LONRF2: variants seen among roughly 807,000 people sequenced by gnomAD.
The protein encoded by LONRF2 is LON peptidase N-terminal domain and ring finger 2.
A neutral mutation model predicts 66.6 loss-of-function variants in LONRF2; 35 were observed. The observed-to-expected ratio is 0.53, with a 90% confidence interval of 0.40 to 0.70. The LOEUF is 0.70. Ranked by LOEUF, LONRF2 falls within the 30% of genes least tolerant of loss-of-function variation. LONRF2 has a pLI of 0.00. For synonymous variants in LONRF2, 417 were observed against 418.1 expected (o/e 1.00, Z 0.03); for missense variants, 902 against 1,002.1 (o/e 0.90, Z 1.35).
At chr2:100,319,798 T>C (rs1406351349) in intron 1 of LONRF2, among the ~76,000 whole-genome samples, 1 of 152,222 alleles carries the variant, frequency 6.6e-6, no homozygotes, top group Non-Finnish European at 1.5e-5. Context: ...AACAATGACA[T>C]ACACTCTTGT....
chr2:100,299,272 CCT>C lies in LONRF2; in HGVS notation c.1313_1314del (p.Gln438ArgfsTer5). The C allele has an allele frequency of 1.3e-6, 2 of 1,594,066 alleles. No homozygotes were observed. Among genetic ancestry groups the C allele is most frequent in the Non-Finnish European group, 1.7e-6 (2 of 1,168,554 alleles). On this transcript the variant is annotated frameshift_variant, in exon 6 of 12. Coordinates refer to ENST00000393437, the MANE Select transcript of LONRF2 (RefSeq NM_198461.4). LOFTEE classifies it high-confidence loss of function. Reference sequence around the variant, plus strand: ...AAGTCAGTTACATCAAGCGAGAGCCCCTGACTTTCTTCTGTCTCAGAGTTTGG... The same window carrying C: ...AAGTCAGTTACATCAAGCGAGAGCCCGACTTTCTTCTGTCTCAGAGTTTGG... ...RSPNSETEES[Q>X]GLSLDVTDFE...
chr2:100,321,798 G>C lies in LONRF2; in HGVS notation c.296C>G (p.Ala99Gly). Residue 99 changes from alanine (A) to glycine (G), a missense_variant, in exon 1 of 12, where the codon GCG becomes GGG. This residue lies in a region of LONRF2 where 585 missense variants were observed against 569.9 expected (regional missense o/e 1.03). Transcript: ENST00000393437. ...ALRPEELEEL[A>G]GGLVRAVGLR... ...GCCCACGGCGCGCACCAGGCCGCCC[G>C]CCAGCTCTTCCAGCTCCTCCGGCCG... 9.3e-7 allele frequency: 1 copy of C among 1,072,122 alleles called. No homozygotes were observed. Among genetic ancestry groups the C allele is most frequent in the South Asian group, 3.8e-5 (1 of 26,506 alleles). 66.4% of individuals were successfully genotyped at this position (1,072,122 alleles called of 1,614,324 possible). A position where few individuals can be genotyped will look rare whatever the true frequency, so the allele number is the denominator to read the frequency against.
At chr2:100,316,302 G>C (rs1379568145) in intron 1 of LONRF2, among the ~76,000 whole-genome samples, 4 of 107,106 alleles carry the variant, frequency 3.7e-5, no homozygotes, top group Non-Finnish European at 6.5e-5. Flanking sequence ...CTGGGCAACA[G>C]AGCGAGACTC....
chr2:100,318,426 C>T (rs1339706396), intron 1 of LONRF2, among the ~76,000 whole-genome samples: 5 of 152,132 alleles, frequency 3.3e-5, no homozygotes, highest in African/African-American at 1.2e-4. Flanking sequence ...CACATGGCTC[C>T]ACCTAATCAC....
chr2:100,306,353 G>A (rs1007301505), intron 2 of LONRF2, among the ~76,000 whole-genome samples: 3 of 152,070 alleles, frequency 2.0e-5, no homozygotes, highest in South Asian at 2.1e-4. Flanking sequence ...TGTCTTATAC[G>A]CACAAAGAAC....
chr2:100,280,593 G>A lies in LONRF2; in HGVS notation c.*3705C>T, dbSNP rs1323113405. Reference sequence around the variant, plus strand: ...GTTCGAGACCAGCCTGACCAACATGGTGAAACCCCATCTCTACTAAAAAAA... The same window carrying A: ...GTTCGAGACCAGCCTGACCAACATGATGAAACCCCATCTCTACTAAAAAAA... On this transcript the variant is annotated 3_prime_UTR_variant, in exon 12 of 12. Transcript: ENST00000393437. The A allele has an allele frequency of 6.6e-6, 1 of 151,900 alleles. No homozygotes were observed. Among genetic ancestry groups the A allele is most frequent in the Non-Finnish European group, 1.5e-5 (1 of 68,040 alleles). The allele number at this position is 151,900 out of a possible 1,614,324, so 9.4% of individuals were successfully genotyped here.
chr2:100,321,895 C>T lies in LONRF2; in HGVS notation c.199G>A (p.Ala67Thr), dbSNP rs1183300189. The change falls in exon 1 of 12, where the codon GCG becomes ACG. Residue 67 changes from alanine (A) to threonine (T), a missense_variant. Around this residue, in one of 2 missense-constraint regions of LONRF2, gnomAD observed 585 missense variants for 569.9 expected, o/e 1.03. Coordinates refer to ENST00000393437, the MANE Select transcript of LONRF2 (RefSeq NM_198461.4). ...DRGLCLRLGD[A>T]LARAGRLPEA... Reference sequence around the variant, plus strand: ...GGGAGGCGGCCGGCGCGGGCCAGCGCGTCCCCCAGCCTCAGGCACAGGCCG... The same window carrying T: ...GGGAGGCGGCCGGCGCGGGCCAGCGTGTCCCCCAGCCTCAGGCACAGGCCG... 4.0e-5 allele frequency: 51 copies of T among 1,259,782 alleles called. No individual in the cohort carries two copies. Among genetic ancestry groups the T allele is most frequent in the Non-Finnish European group, 4.9e-5 (49 of 1,003,860 alleles). 78.0% of individuals were successfully genotyped at this position (1,259,782 alleles called of 1,614,324 possible). A position where few individuals can be genotyped will look rare whatever the true frequency, so the allele number is the denominator to read the frequency against.
At chr2:100,293,471 T>C (rs1675002601) in intron 9 of LONRF2, among the ~76,000 whole-genome samples, 1 of 152,118 alleles carries the variant, frequency 6.6e-6, no homozygotes, top group East Asian at 1.9e-4. Flanking sequence ...CCAGAGTCCT[T>C]TAAGAGCATG....
At position 100,322,019 on chromosome 2, in the gene LONRF2, C is replaced by G. The variant is rs74177696; in HGVS notation, c.75G>C (p.Gln25His). 0.47 allele frequency: 656,985 copies of G among 1,403,364 alleles called. 159,984 individuals carry two copies. Among genetic ancestry groups the G allele is most frequent in the East Asian group, 0.71 (23,579 of 32,990 alleles). 86.9% of individuals were successfully genotyped at this position (1,403,364 alleles called of 1,614,324 possible). ...AGGCCTCGTCGCCCTCCTCTAAGCG[C>G]TGGGCGATCGGCTCCGCGCGGTCGC... ...PGCDRAEPIA[Q>H]RLEEGDEAFR... The change falls in exon 1 of 12, where the codon CAG (glutamine) becomes CAC (histidine). Residue 25 changes from glutamine (Q) to histidine (H), a missense_variant. By Grantham distance (24) the Gln-to-His change is conservative. Transcript: ENST00000393437.
chr2:100,298,477 A>C (rs935749514), intron 7 of LONRF2, among the ~76,000 whole-genome samples: 4 of 152,240 alleles, frequency 2.6e-5, no homozygotes, highest in African/African-American at 7.2e-5. Context: ...TCAAGTCTTC[A>C]ATCCTACGAA....
chr2:100,297,829 T>C (rs1675103546), intron 7 of LONRF2, among the ~76,000 whole-genome samples: 1 of 152,250 alleles, frequency 6.6e-6, no homozygotes, highest in African/African-American at 2.4e-5. Flanking sequence ...AGTATGTGCA[T>C]ACAATGTTTT....
intron 10 of LONRF2, among the ~76,000 whole-genome samples, chr2:100,287,726 G>A (rs1022417939): frequency 2.0e-5 from 3 of 152,058 alleles, no homozygotes; most frequent in Non-Finnish European, 4.4e-5. Context: ...TTTAAATTAC[G>A]CCTCAGTCCT....
chr2:100,291,881 C>T (rs1276085530), intron 9 of LONRF2, among the ~76,000 whole-genome samples: 1 of 152,180 alleles, frequency 6.6e-6, no homozygotes, highest in East Asian at 1.9e-4. Context: ...CTACCACGTG[C>T]CAAGCACCAC....
At position 100,299,852 on chromosome 2, in the gene LONRF2, G is replaced by A; in HGVS notation, c.1132C>T (p.Leu378=). 6.2e-7 allele frequency: 1 copy of A among 1,612,602 alleles called. No homozygotes were observed. The highest frequency in any genetic ancestry group is 8.5e-7 in the Non-Finnish European group (1 of 1,178,778). The change falls in exon 5 of 12, where the codon CTA becomes TTA. Residue 378 remains leucine, a synonymous_variant. Transcript: ENST00000393437. ...NSSVLYFILG[L]HFEEDKKALE... ...GCCTTTTTATCCTCTTCAAAGTGTAGACCCAGTATAAAATACAAAACTGAA... is the reference window on the plus strand; with the variant it reads ...GCCTTTTTATCCTCTTCAAAGTGTAAACCCAGTATAAAATACAAAACTGAA...
At chr2:100,319,261 T>C (rs1675575470) in intron 1 of LONRF2, among the ~76,000 whole-genome samples, 1 of 152,208 alleles carries the variant, frequency 6.6e-6, no homozygotes, top group African/African-American at 2.4e-5. Context: ...TCATAAAATT[T>C]TAAGCTAATC....
At chr2:100,290,546 C>T (rs1573111849) in intron 9 of LONRF2, 126 bp from the exon 10 acceptor site, 4 of 930,560 alleles carry the variant, frequency 4.3e-6, no homozygotes, top group Middle Eastern at 5.2e-4. Context: ...CACATCAGAC[C>T]AGCAAGGTTA....
chr2:100,302,771 CT>C, intron 3 of LONRF2, 149 bp downstream of exon 3: 1 of 724,210 alleles, frequency 1.4e-6, no homozygotes, highest in Non-Finnish European at 2.0e-6. Flanking sequence ...ATGTATGAAC[CT>C]TACAATTATT....
At chr2:100,307,248 C>A (rs1675317717) in intron 2 of LONRF2, among the ~76,000 whole-genome samples, 1 of 152,136 alleles carries the variant, frequency 6.6e-6, no homozygotes, top group South Asian at 2.1e-4. Context: ...TACGTTTTGG[C>A]TGAAGCTGCT....
chr2:100,284,118 G>C lies in LONRF2; in HGVS notation c.*180C>G, dbSNP rs778324587. 93 of 596,514 alleles carry C rather than the reference G, an allele frequency of 1.6e-4. No individual in the cohort carries two copies. The Middle Eastern group carries it at 1.6e-3, about 11-fold the overall frequency. The allele number at this position is 596,514 out of a possible 1,614,324, so 37.0% of individuals were successfully genotyped here. Reference sequence around the variant, plus strand: ...AGACTTCAGGCTAACCTCACACAAGGTCAGATCCCACCAGACACAGAATTG... The same window carrying C: ...AGACTTCAGGCTAACCTCACACAAGCTCAGATCCCACCAGACACAGAATTG... On this transcript the variant is annotated 3_prime_UTR_variant, in exon 12 of 12. Coordinates refer to ENST00000393437, the MANE Select transcript of LONRF2 (RefSeq NM_198461.4).
Sources: allele counts gnomAD v4.1 joint callset (sites outside exome capture counted in the v4.1 genomes callset), GRCh38; gene constraint gnomAD v4.1.1; regional missense constraint gnomAD v4.1.1; transcripts MANE v1.5; gene names NCBI Gene and HGNC (gene_info 2026-07-23, HGNC 2026-07-21).